SUPV3L1: variants seen among roughly 807,000 people sequenced by gnomAD.
SUPV3L1 encodes Suv3 like RNA helicase.
SUPV3L1 carries 35 observed loss-of-function variants against 70.0 expected under a neutral mutation model. That is an observed-to-expected ratio of 0.50 (90% CI 0.38 to 0.66). SUPV3L1 has a LOEUF of 0.66. Among genes scored for constraint, SUPV3L1 ranks in the 30% least tolerant of loss-of-function variants. SUPV3L1 has a pLI of 0.00. For missense variants in SUPV3L1, 777 were observed against 961.5 expected (o/e 0.81, Z 2.54); for synonymous variants, 364 against 341.9 (o/e 1.06, Z -0.71).
In SUPV3L1 at chr10:69,207,912, C is replaced by G; in HGVS notation, c.1896C>G (p.His632Gln). Residue 632 changes from histidine (H) to glutamine (Q), a missense_variant, in exon 14 of 15, where the codon CAC becomes CAG. By Grantham distance (24) the His-to-Gln change is conservative. Coordinates refer to ENST00000359655, the MANE Select transcript of SUPV3L1 (RefSeq NM_003171.5). ...ACCTCATGGATCTTGAAGCTGTCCA[C>G]GATGTCTTGGATCTTTACTTGTGGC... ...IKDLMDLEAV[H>Q]DVLDLYLWLS... 6.2e-7 allele frequency: 1 copy of G among 1,614,110 alleles called. No individual in the cohort carries two copies. The highest frequency in any genetic ancestry group is 8.5e-7 in the Non-Finnish European group (1 of 1,180,018).
At chr10:69,206,010 CTGGATGGATGGA>C (rs57176107) in intron 13 of SUPV3L1, among the ~76,000 whole-genome samples, 7 of 150,856 alleles carry the variant, frequency 4.6e-5, no homozygotes, top group Non-Finnish European at 3.0e-5. Context: ...GGGCCAGCTG[CTGGATGGATGGA>C]TGGATGGATG....
chr10:69,203,072 G>A (rs1842726898), intron 13 of SUPV3L1, 29 bp downstream of exon 13: 3 of 1,571,260 alleles, frequency 1.9e-6, no homozygotes, highest in Non-Finnish European at 2.6e-6. Context: ...GCTATTTTGA[G>A]TTCCTTCTGG....
intron 1 of SUPV3L1, among the ~76,000 whole-genome samples, chr10:69,183,529 A>AT (rs1842126824): frequency 2.0e-5 from 3 of 152,088 alleles, no homozygotes; most frequent in African/African-American, 7.2e-5. Context: ...AAATACAGAA[A>AT]TTAGCCAGGC....
At chr10:69,206,486 A>G (rs1389107657) in intron 13 of SUPV3L1, among the ~76,000 whole-genome samples, 5 of 152,194 alleles carry the variant, frequency 3.3e-5, no homozygotes, top group African/African-American at 9.7e-5. Flanking sequence ...CTTCTGTAGT[A>G]CAGGTGATGT....
chr10:69,194,418 C>G (rs1842481893), intron 6 of SUPV3L1, among the ~76,000 whole-genome samples: 1 of 151,408 alleles, frequency 6.6e-6, no homozygotes, highest in Non-Finnish European at 1.5e-5. Flanking sequence ...GTAGTGCAAT[C>G]TTGGCTCACT....
intron 5 of SUPV3L1, among the ~76,000 whole-genome samples, chr10:69,190,427 CTCT>C (rs1842362700): frequency 9.3e-6 from 1 of 107,992 alleles, no homozygotes; most frequent in Admixed American, 9.7e-5. Flanking sequence ...AATTTGCATT[CTCT>C]TTTTTTTTTT....
chr10:69,186,343 A>AAT, intron 2 of SUPV3L1, 100 bp from the exon 3 acceptor site: 2 of 568,436 alleles, frequency 3.5e-6, no homozygotes, highest in Non-Finnish European at 5.8e-6. Context: ...AAAAAAAAAA[A>AAT]AGAAAAAAAA....
At chr10:69,194,659 C>G (rs1842488979) in intron 6 of SUPV3L1, among the ~76,000 whole-genome samples, 2 of 150,906 alleles carry the variant, frequency 1.3e-5, no homozygotes, top group African/African-American at 5.0e-5. Flanking sequence ...TGCCTGTAGT[C>G]CCAGCTGCTT....
At position 69,186,370 on chromosome 10, in the gene SUPV3L1, T is replaced by G. The variant is rs1052821546; in HGVS notation, c.350-73T>G. 4.6e-6 allele frequency: 5 copies of G among 1,082,972 alleles called. No individual in the cohort carries two copies. The African/African-American group carries it at 8.0e-5, about 17-fold the overall frequency. 67.1% of individuals were successfully genotyped at this position (1,082,972 alleles called of 1,614,324 possible). A position where few individuals can be genotyped will look rare whatever the true frequency, so the allele number is the denominator to read the frequency against. On this transcript the variant is annotated intron_variant, in intron 2 of 14. Transcript: ENST00000359655. ...GAAAAAAAAAGACTCTTTGATGAGTTTGGTGTGGTGTGTCTGTGTGCTTTT... is the reference window on the plus strand; with the variant it reads ...GAAAAAAAAAGACTCTTTGATGAGTGTGGTGTGGTGTGTCTGTGTGCTTTT...
chr10:69,208,433 C>T (rs1435588661), intron 14 of SUPV3L1, among the ~76,000 whole-genome samples, 167 bp from the exon 15 acceptor site: 1 of 152,192 alleles, frequency 6.6e-6, no homozygotes, highest in Non-Finnish European at 1.5e-5. Context: ...ATGACATATT[C>T]CTCCGATATG....
intron 6 of SUPV3L1, among the ~76,000 whole-genome samples, chr10:69,194,700 TAGG>T (rs1842489728): frequency 6.7e-6 from 1 of 149,132 alleles, no homozygotes; most frequent in African/African-American, 2.6e-5. Flanking sequence ...TGCTTGAGCC[TAGG>T]AGTTTGAAGT....
At chr10:69,201,046 A>G (rs2132298764) in intron 11 of SUPV3L1, among the ~76,000 whole-genome samples, 1 of 152,254 alleles carries the variant, frequency 6.6e-6, no homozygotes, top group East Asian at 1.9e-4. Context: ...GGCTTATCTC[A>G]TTTGTGACAC....
rs556918266 is a variant in SUPV3L1, at chr10:69,186,219, C to T, written c.349+155C>T. Among the ~76,000 whole-genome samples the T allele has an allele frequency of 9.2e-5, 14 of 151,786 alleles. No individual in the cohort carries two copies. The East Asian group carries it at 2.5e-3, about 27-fold the overall frequency. On this transcript the variant is annotated intron_variant, in intron 2 of 14. Transcript: ENST00000359655. ...CTGAGTGGGAGACTGGCGAGGCTCA[C>T]CTGGTGAGCCATACTGCACGGCAGA...
chr10:69,182,298 C>T (rs1052401160), intron 1 of SUPV3L1, among the ~76,000 whole-genome samples: 1 of 152,098 alleles, frequency 6.6e-6, no homozygotes, highest in African/African-American at 2.4e-5. Context: ...CCCAGCCAGT[C>T]TTAATTGTTT....
intron 1 of SUPV3L1, among the ~76,000 whole-genome samples, chr10:69,184,499 C>T (rs1564698666): frequency 6.6e-6 from 1 of 152,118 alleles, no homozygotes; most frequent in Non-Finnish European, 1.5e-5. Context: ...CGCGCCATTG[C>T]CCTCCAGCCT....
At chr10:69,195,777 C>G (rs1473646027) in intron 7 of SUPV3L1, among the ~76,000 whole-genome samples, 1 of 152,108 alleles carries the variant, frequency 6.6e-6, no homozygotes, top group African/African-American at 2.4e-5. Context: ...GGGTCTTGCT[C>G]TGATGCCCAG....
intron 5 of SUPV3L1, among the ~76,000 whole-genome samples, chr10:69,190,432 T>C (rs1842363198): frequency 6.6e-6 from 1 of 152,016 alleles, no homozygotes; most frequent in African/African-American, 2.4e-5. Context: ...GCATTCTCTT[T>C]TTTTTTTTCT....
intron 6 of SUPV3L1, among the ~76,000 whole-genome samples, chr10:69,194,496 C>T (rs891477185): frequency 2.0e-5 from 3 of 151,862 alleles, no homozygotes; most frequent in African/African-American, 7.3e-5. Context: ...GGACTACAGG[C>T]GCACGCCACC....
chr10:69,182,672 T>C, intron 1 of SUPV3L1: 1 of 985,412 alleles, frequency 1.0e-6, no homozygotes, highest in Non-Finnish European at 1.2e-6. Flanking sequence ...TTCATCTCCT[T>C]TGACTGGGAT....
Sources: gnomAD v4.1 joint callset for allele counts (sites outside exome capture counted in the v4.1 genomes callset) on GRCh38, gnomAD v4.1.1 for gene constraint, MANE v1.5 for transcripts, NCBI Gene and HGNC (gene_info 2026-07-23, HGNC 2026-07-21) for gene names.